Variants in DCDC1 observed in about 807,000 individuals in gnomAD.
DCDC1 encodes doublecortin domain containing 1, also known as doublecortin domain-containing protein 1.
Under a neutral mutation model 178.3 loss-of-function variants are expected in DCDC1, and 200 were observed. The observed-to-expected ratio is 1.12, with a 90% CI of 1.00 to 1.26. The LOEUF is 1.26. DCDC1 is among the 50% of genes most tolerant of loss of function. The pLI is 0.00. For missense variants in DCDC1, 1,983 were observed against 1,749.2 expected, an observed-to-expected ratio of 1.13 and a Z score of -2.38; for synonymous variants, 690 against 604.8, an observed-to-expected ratio of 1.14 and a Z score of -2.07.
intron 6 of DCDC1, among the ~76,000 whole-genome samples, chr11:31,298,222 G>A (rs1367620475): frequency 6.6e-6 from 1 of 152,090 alleles, no homozygotes; most frequent in Non-Finnish European, 1.5e-5. Context: ...CTACCTTGTT[G>A]ATAGTTCTTT....
At chr11:31,332,984 T>A (rs777287502) in intron 2 of DCDC1, among the ~76,000 whole-genome samples, 1 of 152,212 alleles carries the variant, frequency 6.6e-6, no homozygotes, top group Non-Finnish European at 1.5e-5. Context: ...AGTGGGGTGT[T>A]AAAGTCTCCC....
chr11:30,999,566 T>C (rs1951456427), intron 20 of DCDC1, among the ~76,000 whole-genome samples: 1 of 152,122 alleles, frequency 6.6e-6, no homozygotes, highest in Non-Finnish European at 1.5e-5. Context: ...GTGAACGTAA[T>C]GCCAGCCTGG....
chr11:31,250,425 T>TATATATATATATATATAC (rs1565496553), intron 8 of DCDC1, among the ~76,000 whole-genome samples: 2 of 114,620 alleles, frequency 1.7e-5, no homozygotes, highest in African/African-American at 3.2e-5. Context: ...CATATACATA[T>TATATATATATATATATAC]ATATGTATAT....
intron 20 of DCDC1, among the ~76,000 whole-genome samples, chr11:30,973,089 T>C (rs1949902348): frequency 6.6e-6 from 1 of 151,796 alleles, no homozygotes; most frequent in South Asian, 2.1e-4. Flanking sequence ...CTGGGCAACA[T>C]GGCAAAACCC....
chr11:30,869,876 A>C (rs1420057856), intron 38 of DCDC1, among the ~76,000 whole-genome samples: 1 of 152,106 alleles, frequency 6.6e-6, no homozygotes, highest in African/African-American at 2.4e-5. Context: ...GGGCCACTTA[A>C]GCTCTTTAAG....
intron 14 of DCDC1, among the ~76,000 whole-genome samples, chr11:31,102,676 T>C (rs1042873905): frequency 2.0e-5 from 3 of 152,230 alleles, no homozygotes; most frequent in Non-Finnish European, 4.4e-5. Context: ...TCCAAAATAG[T>C]ATCAGGATCT....
At position 30,864,673 on chromosome 11, in the gene DCDC1, T is replaced by C. The variant is rs1472239946; in HGVS notation, c.*700A>G. On this transcript the variant is annotated 3_prime_UTR_variant, in exon 39 of 39. Transcript: ENST00000684477. ...TGGGTAGAGCTCTGTCCCAAGTAAA[T>C]AAAACCAAGGGTGTTCCTGCCCTCT... is the stretch of plus-strand genomic sequence containing the variant. 6.6e-6 allele frequency: 1 copy of C among 152,132 alleles called. No homozygotes were observed. The highest frequency in any genetic ancestry group is 6.5e-5 in the Admixed American group (1 of 15,270). 9.4% of individuals were successfully genotyped at this position (152,132 alleles called of 1,614,324 possible).
rs1381130752 is a variant in DCDC1 at position 30,908,990 on chromosome 11, C to A, written c.3874G>T (p.Val1292Phe). The A allele has an allele frequency of 6.2e-7, 1 of 1,610,376 alleles. No homozygotes were observed. Among genetic ancestry groups the A allele is most frequent in the Non-Finnish European group, 8.5e-7 (1 of 1,177,654 alleles). Reference protein sequence around the residue: ...KEITSANYAGVCTSSVIKEEN... With the variant: ...KEITSANYAGFCTSSVIKEEN... ...TCTTTAATCACAGATGATGTACAGACACCAGCATAATTTGCTGATGTAATT... is the reference window on the plus strand; with the variant it reads ...TCTTTAATCACAGATGATGTACAGAAACCAGCATAATTTGCTGATGTAATT... The change falls in exon 29 of 39, where the codon GTC becomes TTC. Residue 1292 changes from valine to phenylalanine, a missense_variant. Transcript: ENST00000684477.
intron 1 of DCDC1, among the ~76,000 whole-genome samples, chr11:31,361,398 T>C (rs1163518692): frequency 6.6e-6 from 1 of 152,158 alleles, no homozygotes; most frequent in Non-Finnish European, 1.5e-5. Flanking sequence ...ACTCAACTCA[T>C]TACATGTCGA....
chr11:31,221,031 T>C lies in DCDC1; in HGVS notation c.1221+20419A>G, dbSNP rs189876865. Among the ~76,000 whole-genome samples, 72 of 152,252 alleles carry C rather than the reference T, an allele frequency of 4.7e-4. 1 individual carries two copies. Among genetic ancestry groups the C allele is most frequent in the Non-Finnish European group, 8.7e-4 (59 of 68,016 alleles). On this transcript the variant is annotated intron_variant, in intron 9 of 38. Coordinates refer to ENST00000684477, the MANE Select transcript of DCDC1 (RefSeq NM_001387274.1). ...CTTCCATAAAGGCCCTACTTCCAAA[T>C]ATAGTGGCATTTGGGGTAAGGGCTT...
intron 20 of DCDC1, among the ~76,000 whole-genome samples, chr11:31,020,192 A>G (rs290741): frequency 0.089 from 13,582 of 152,250 alleles, 816 homozygotes; most frequent in East Asian, 0.29. Flanking sequence ...AGATCAAAAT[A>G]TGAGAAATTA....
At chr11:31,242,874 AGTCT>A (rs1977338892) in intron 8 of DCDC1, among the ~76,000 whole-genome samples, 1 of 151,924 alleles carries the variant, frequency 6.6e-6, no homozygotes, top group African/African-American at 2.4e-5. Context: ...CATAATTTAA[AGTCT>A]GTCTAATACG....
intron 8 of DCDC1, among the ~76,000 whole-genome samples, chr11:31,256,251 T>C (rs752328688): frequency 7.2e-5 from 11 of 152,150 alleles, no homozygotes; most frequent in Non-Finnish European, 1.5e-4. Context: ...GTTTTGAAAT[T>C]GGGAAGTGTG....
intron 9 of DCDC1, among the ~76,000 whole-genome samples, chr11:31,224,337 C>T (rs2136697557): frequency 6.6e-6 from 1 of 152,054 alleles, no homozygotes; most frequent in Admixed American, 6.6e-5. Context: ...GGGTCCACAT[C>T]TCCCACCTTA....
chr11:31,112,243 A>G (rs1212027043), intron 11 of DCDC1, among the ~76,000 whole-genome samples: 3 of 152,210 alleles, frequency 2.0e-5, no homozygotes. Flanking sequence ...TTTAAGCTCT[A>G]TATTAATATG....
intron 9 of DCDC1, among the ~76,000 whole-genome samples, chr11:31,195,426 T>G (rs1970585414): frequency 6.6e-6 from 1 of 152,132 alleles, no homozygotes; most frequent in East Asian, 1.9e-4. Flanking sequence ...ATCATTCTAT[T>G]TGATAGTAGC....
intron 11 of DCDC1, among the ~76,000 whole-genome samples, chr11:31,116,396 T>G (rs1181487781): frequency 6.6e-6 from 1 of 151,602 alleles, no homozygotes; most frequent in African/African-American, 2.4e-5. Flanking sequence ...TAATTAGCCA[T>G]GAAAAAAAAA....
rs1348058035 is a variant in DCDC1 at position 30,881,212 on chromosome 11, CTA to C, written c.5177_5178del (p.Ile1726ArgfsTer89). The part of the protein sequence containing the change: ...SGEPIQSWDD[I>X]ERDMVICVSM... ...GACACACAGATGACCATATCTCGCTCTATGTCGTCCCAGGACTGAATTGGCTC... is the reference window on the plus strand; with the variant it reads ...GACACACAGATGACCATATCTCGCTCTGTCGTCCCAGGACTGAATTGGCTC... On this transcript the variant is annotated frameshift_variant, in exon 37 of 39. Coordinates refer to ENST00000684477, the MANE Select transcript of DCDC1 (RefSeq NM_001387274.1). LOFTEE classifies it high-confidence loss of function. 6.2e-7 allele frequency: 1 copy of C among 1,613,536 alleles called. No individual in the cohort carries two copies. Among genetic ancestry groups the C allele is most frequent in the South Asian group, 1.1e-5 (1 of 91,068 alleles).
chr11:31,127,415 G>C (rs565806733), intron 11 of DCDC1, 54 bp downstream of exon 11: 126 of 661,534 alleles, frequency 1.9e-4, no homozygotes, highest in Non-Finnish European at 3.1e-4. Context: ...TTCAAATGGA[G>C]CAGAATGCTT....
Sources: allele counts gnomAD v4.1 joint callset (sites outside exome capture counted in the v4.1 genomes callset), GRCh38; gene constraint gnomAD v4.1.1; transcripts MANE v1.5; gene names NCBI Gene and HGNC (gene_info 2026-07-23, HGNC 2026-07-21).